The following TYK2 variants were observed in gnomAD, a reference collection of about 807,000 sequenced individuals.
The protein encoded by TYK2 is non-receptor tyrosine-protein kinase TYK2.
TYK2 carries 65 observed loss-of-function variants against 130.9 expected under a neutral mutation model. The observed-to-expected ratio is 0.50, with a 90% CI of 0.41 to 0.61. The LOEUF is 0.61. Ranked by LOEUF, TYK2 falls within the 20% of genes least tolerant of loss-of-function variation. The pLI is 0.00. For missense variants in TYK2, 1,378 were observed against 1,610.7 expected (o/e 0.86, Z 2.47); for synonymous variants, 647 against 658.9 (o/e 0.98, Z 0.28).
Position 10,378,426 on chromosome 19 carries a change from G to T in TYK2, c.-20C>A, listed in dbSNP as rs1428407917. ...AGGCATGCTCCCGGCAGGTGGCTCA[G>T]CTGGAAAGGGGACAATCTGTCAGCT... On this transcript the variant is annotated splice_region_variant and 5_prime_UTR_variant, in exon 3 of 25. It adds an upstream start codon to the 5' untranslated region. Transcript: ENST00000525621. 4 of 1,604,400 alleles carry T rather than the reference G, an allele frequency of 2.5e-6. No individual in the cohort carries two copies. The South Asian group carries it at 3.3e-5, about 13-fold the overall frequency.
At chr19:10,362,477 T>C (rs777915554) in intron 10 of TYK2, 21 bp from the exon 11 acceptor site, 1 of 1,580,074 alleles carries the variant, frequency 6.3e-7, no homozygotes, top group Non-Finnish European at 8.6e-7. Flanking sequence ...GTGGCAGAGG[T>C]GGGAGCAGTA....
At chr19:10,379,540 T>A (rs765537849) in intron 2 of TYK2, 75 bp downstream of exon 2, 30 of 150,154 alleles carry the variant, frequency 2.0e-4, no homozygotes, top group Non-Finnish European at 4.0e-4. Context: ...AATAAATAAA[T>A]AAAAAGTAAA....
chr19:10,377,586 G>A, intron 3 of TYK2, among the ~76,000 whole-genome samples: 2 of 130,206 alleles, frequency 1.5e-5, no homozygotes, highest in Non-Finnish European at 3.3e-5. Context: ...GTGGATGGAT[G>A]GATGGATGAA....
chr19:10,368,161 G>A lies in TYK2; in HGVS notation c.359C>T (p.Pro120Leu), dbSNP rs758463317. 4.0e-5 allele frequency: 64 copies of A among 1,613,970 alleles called. No individual in the cohort carries two copies. Among genetic ancestry groups the A allele is most frequent in the Middle Eastern group, 1.6e-4 (1 of 6,084 alleles). The stretch of plus-strand genomic sequence containing the variant: ...TGGGGGCCCACAACGGTACACAGCC[G>A]GTTCCCGAGGATTCATGCCATGCCA... ...RNWHGMNPRE[P>L]AVYRCGPPGT... The change falls in exon 5 of 25, where the codon CCG (proline) becomes CTG (leucine). Residue 120 changes from proline (P) to leucine (L), a missense_variant. By Grantham distance (98) the Pro-to-Leu change is moderately conservative. Coordinates refer to ENST00000525621, the MANE Select transcript of TYK2 (RefSeq NM_003331.5).
rs150832201 is a variant in TYK2, at chr19:10,354,306, G to A, written c.2716-72C>T. The A allele has an allele frequency of 1.6e-5, 25 of 1,560,068 alleles. No individual in the cohort carries two copies. The East Asian group carries it at 2.5e-4, about 16-fold the overall frequency. On this transcript the variant is annotated intron_variant, in intron 19 of 24. Coordinates refer to ENST00000525621, the MANE Select transcript of TYK2 (RefSeq NM_003331.5). ...ACCACTCCCCAACCCCCGATTTCCC[G>A]GGCCACTCCTCCAGGCAGATCCTTT...
chr19:10,355,946 G>A (rs1344167963), intron 18 of TYK2, among the ~76,000 whole-genome samples: 1 of 151,708 alleles, frequency 6.6e-6, no homozygotes, highest in Admixed American at 6.6e-5. Context: ...TGGCAACAGA[G>A]TGAGACTCCG....
At position 10,364,853 on chromosome 19, in the gene TYK2, G is replaced by C. The variant is rs774318353; in HGVS notation, c.1207C>G (p.Leu403Val). ...CCAGCCCCTACCCTGGGCCTCACCA[G>C]GCACTTGTTGTCCTGCCGGTGGATG... is the stretch of plus-strand genomic sequence containing the variant. The part of the protein sequence containing the change: ...VSIHRQDNKC[L>V]ELSLPSRAAA... Residue 403 changes from leucine to valine, a missense_variant and splice_region_variant, in exon 8 of 25, where the codon CTG becomes GTG. By Grantham distance (32) the Leu-to-Val change is conservative. Coordinates refer to ENST00000525621, the MANE Select transcript of TYK2 (RefSeq NM_003331.5). The surrounding 1 kb of genome is among the most constrained non-coding windows in gnomAD (Gnocchi z 4.9). 6.2e-7 allele frequency: 1 copy of C among 1,614,008 alleles called. No homozygotes were observed. Among genetic ancestry groups the C allele is most frequent in the African/African-American group, 1.3e-5 (1 of 74,958 alleles).
chr19:10,356,369 A>T (rs1008002489), intron 18 of TYK2, among the ~76,000 whole-genome samples, 199 bp downstream of exon 18: 2 of 152,196 alleles, frequency 1.3e-5, no homozygotes, highest in African/African-American at 2.4e-5. Context: ...ACAGAGCAAG[A>T]TTCCATTGCA....
At chr19:10,375,024 C>T (rs895204031) in intron 3 of TYK2, among the ~76,000 whole-genome samples, 6 of 151,966 alleles carry the variant, frequency 3.9e-5, no homozygotes, top group Admixed American at 1.3e-4. Flanking sequence ...AAAAATTATC[C>T]GGGTGTGGTG....
rs1346577754 is a variant in TYK2, at chr19:10,366,405, A to T, written c.629+12T>A. On this transcript the variant is annotated intron_variant, in intron 6 of 24. Coordinates refer to ENST00000525621, the MANE Select transcript of TYK2 (RefSeq NM_003331.5). ...CCTGCCTACACAGCGTCCCCACCCCATTCCCAGACACCTGGTCTTCTTGGC... is the reference window on the plus strand; with the variant it reads ...CCTGCCTACACAGCGTCCCCACCCCTTTCCCAGACACCTGGTCTTCTTGGC... 3 of 1,611,322 alleles carry T rather than the reference A, an allele frequency of 1.9e-6. No homozygotes were observed. The highest frequency in any genetic ancestry group is 2.5e-6 in the Non-Finnish European group (3 of 1,178,054).
At chr19:10,356,770 C>A (rs779608624) in intron 17 of TYK2, 52 bp from the exon 18 acceptor site, 1 of 1,549,572 alleles carries the variant, frequency 6.5e-7, no homozygotes, top group Non-Finnish European at 8.7e-7. Flanking sequence ...GCCCCCAACC[C>A]GTTCCCCAAG....
Position 10,353,562 on chromosome 19 carries a change from G to C in TYK2, c.2993C>G (p.Ala998Gly). Residue 998 changes from alanine to glycine, a missense_variant, in exon 21 of 25, where the codon GCC (alanine) becomes GGC (glycine). Coordinates refer to ENST00000525621, the MANE Select transcript of TYK2 (RefSeq NM_003331.5). This position sits in a 1 kb window ranked among gnomAD's most constrained non-coding sequence, Gnocchi z 6.9. ...DYLPRHSIGLAQLLLFAQQIC... is the reference protein window; with the variant it reads ...DYLPRHSIGLGQLLLFAQQIC... Reference sequence around the variant, plus strand: ...CTGCTGGGCGAAGAGCAGCAGCTGGGCCAGCCCGATGCTGTGCCGGGGCAG... The same window carrying C: ...CTGCTGGGCGAAGAGCAGCAGCTGGCCCAGCCCGATGCTGTGCCGGGGCAG... 6.7e-7 allele frequency: 1 copy of C among 1,500,228 alleles called. No homozygotes were observed. The highest frequency in any genetic ancestry group is 2.4e-5 in the East Asian group (1 of 41,490). The allele number at this position is 1,500,228 out of a possible 1,614,324, so 92.9% of individuals were successfully genotyped here. A position where few individuals can be genotyped will look rare whatever the true frequency, so the allele number is the denominator to read the frequency against.
rs1481485020 is a variant in TYK2 at position 10,364,736 on chromosome 19, G to C, written c.1245C>G (p.Ser415=). ...AATAGCCGTCCACCAGCGACACGAA[G>C]GACAGCGCCGCAGCCCGGGAAGGCA... ...LSLPSRAAAL[S]FVSLVDGYFR... is the part of the protein sequence containing the mutation. The change falls in exon 9 of 25, where the codon TCC becomes TCG. Residue 415 remains serine, a synonymous_variant. Transcript: ENST00000525621. This position sits in a 1 kb window ranked among gnomAD's most constrained non-coding sequence, Gnocchi z 4.9. 6 of 1,613,900 alleles carry C rather than the reference G, an allele frequency of 3.7e-6. No individual in the cohort carries two copies. The South Asian group carries it at 6.6e-5, about 18-fold the overall frequency.
intron 24 of TYK2, 23 bp from the exon 25 acceptor site, chr19:10,350,991 G>T (rs2040772012): frequency 6.2e-7 from 1 of 1,614,060 alleles, no homozygotes; most frequent in African/African-American, 1.3e-5. Context: ...ACCAGGGCTG[G>T]TGGGGGCTGC....
In TYK2 at chr19:10,350,700, T is replaced by A; in HGVS notation, c.*134A>T. The A allele has an allele frequency of 9.1e-7, 1 of 1,097,620 alleles. No homozygotes were observed. Among genetic ancestry groups the A allele is most frequent in the African/African-American group, 1.6e-5 (1 of 63,390 alleles). 68.0% of individuals were successfully genotyped at this position (1,097,620 alleles called of 1,614,324 possible). A position where few individuals can be genotyped will look rare whatever the true frequency, so the allele number is the denominator to read the frequency against. ...AATAAGTTCACAGAGGTGGGGTCTC[T>A]AGACAGGAGTAAGGCACACGGTGTG... On this transcript the variant is annotated 3_prime_UTR_variant, in exon 25 of 25. Transcript: ENST00000525621.
chr19:10,358,294 GTTTTT>G (rs770531180), intron 15 of TYK2, among the ~76,000 whole-genome samples, 156 bp from the exon 16 acceptor site: 3 of 91,442 alleles, frequency 3.3e-5, no homozygotes, highest in Non-Finnish European at 4.4e-5. Flanking sequence ...TTTTTTTCTT[GTTTTT>G]TTTTTTTTTT....
At position 10,362,332 on chromosome 19, in the gene TYK2, T is replaced by C; in HGVS notation, c.1601A>G (p.Gln534Arg). ...ATCCCCGGCCCTCAGCAAGCAGCCC[T>C]GCAAGGCAGCCCCAAGTTCCCGAAC... ...PSVRELGAAL[Q>R]GCLLRAGDDC... Residue 534 changes from glutamine to arginine, a missense_variant, in exon 11 of 25, where the codon CAG becomes CGG. Transcript: ENST00000525621. 1 of 1,614,114 alleles carries C rather than the reference T, an allele frequency of 6.2e-7. No homozygotes were observed. The highest frequency in any genetic ancestry group is 8.5e-7 in the Non-Finnish European group (1 of 1,180,000).
chr19:10,353,448 A>G lies in TYK2; in HGVS notation c.3027+80T>C, dbSNP rs934914210. 2.0e-6 allele frequency: 2 copies of G among 1,000,108 alleles called. No individual in the cohort carries two copies. The highest frequency in any genetic ancestry group is 2.8e-6 in the Non-Finnish European group (2 of 704,850). 62.0% of individuals were successfully genotyped at this position (1,000,108 alleles called of 1,614,324 possible). A position where few individuals can be genotyped will look rare whatever the true frequency, so the allele number is the denominator to read the frequency against. ...ACGAGCAGGGGCGGAGCGTGAGAGC[A>G]GACTGCACCGGATCGCTCAGGCCAG... On this transcript the variant is annotated intron_variant, in intron 21 of 24. Coordinates refer to ENST00000525621, the MANE Select transcript of TYK2 (RefSeq NM_003331.5). This position sits in a 1 kb window ranked among gnomAD's most constrained non-coding sequence, Gnocchi z 6.9.
In TYK2 at chr19:10,353,714, C is replaced by G; in HGVS notation, c.2909-68G>C. On this transcript the variant is annotated intron_variant, in intron 20 of 24. Transcript: ENST00000525621. This position sits in a 1 kb window ranked among gnomAD's most constrained non-coding sequence, Gnocchi z 6.9. Reference sequence around the variant, plus strand: ...CGGGCCGGGGACCGCCTACCTTGAGCCCAGCAGAGCCCCTCCAAGGTCGGG... The same window carrying G: ...CGGGCCGGGGACCGCCTACCTTGAGGCCAGCAGAGCCCCTCCAAGGTCGGG... The G allele has an allele frequency of 1.7e-6, 2 of 1,201,214 alleles. No homozygotes were observed. Among genetic ancestry groups the G allele is most frequent in the South Asian group, 3.3e-5 (2 of 61,068 alleles). The allele number at this position is 1,201,214 out of a possible 1,614,324, so 74.4% of individuals were successfully genotyped here.
Sources: allele counts gnomAD v4.1 joint callset (sites outside exome capture counted in the v4.1 genomes callset), GRCh38; gene constraint gnomAD v4.1.1; non-coding constraint Gnocchi (gnomAD v3.1); transcripts MANE v1.5; gene names NCBI Gene and HGNC (gene_info 2026-07-23, HGNC 2026-07-21).